Variants in TRAPPC9 observed in about 807,000 individuals in gnomAD.
The protein encoded by TRAPPC9 is IKK2 binding protein.
A neutral mutation model predicts 124.0 loss-of-function variants in TRAPPC9; 83 were observed. The ratio of observed to expected loss-of-function variants is 0.67; its 90% confidence interval spans 0.56 to 0.80. TRAPPC9 has a LOEUF of 0.80. Among genes scored for constraint, TRAPPC9 ranks in the 30% least tolerant of loss-of-function variants. The probability of loss-of-function intolerance (pLI) is 0.00; values close to 1 mark genes in which losing one functional copy is unlikely to be tolerated. For synonymous variants in TRAPPC9, 638 were observed against 617.5 expected, an observed-to-expected ratio of 1.03 and a Z score of -0.49; for missense variants, 1,302 against 1,508.3, an observed-to-expected ratio of 0.86 and a Z score of 2.27.
chr8:139,793,508 C>T (rs575392982), intron 21 of TRAPPC9, among the ~76,000 whole-genome samples: 1 of 152,304 alleles, frequency 6.6e-6, no homozygotes, highest in African/African-American at 2.4e-5. Context: ...CCCACTGTGC[C>T]TTGCGCTGAC....
Position 139,730,923 on chromosome 8 carries a change from G to GA in TRAPPC9, c.*137_*138insT. The GA allele has an allele frequency of 1.0e-6, 1 of 957,254 alleles. No homozygotes were observed. Among genetic ancestry groups the GA allele is most frequent in the South Asian group, 1.6e-5 (1 of 61,694 alleles). 59.3% of individuals were successfully genotyped at this position (957,254 alleles called of 1,614,324 possible). ...CAGCAAAGATGCTACAGGAGGAACA[G>GA]GAGGAGAGGGCTGGGAGGGGTCTGG... On this transcript the variant is annotated 3_prime_UTR_variant, in exon 23 of 23. Transcript: ENST00000438773.
intron 5 of TRAPPC9, among the ~76,000 whole-genome samples, chr8:140,422,830 T>A (rs1408242332): frequency 6.6e-6 from 1 of 150,396 alleles, no homozygotes; most frequent in African/African-American, 2.4e-5. Context: ...TTGGTAACTA[T>A]CTAAATAGAT....
intron 8 of TRAPPC9, among the ~76,000 whole-genome samples, chr8:140,364,333 A>T (rs2068045472): frequency 6.6e-6 from 1 of 151,860 alleles, no homozygotes; most frequent in African/African-American, 2.4e-5. Flanking sequence ...AGCAATTTAA[A>T]TCTTGCCTGA....
chr8:140,204,705 T>C (rs2062880267), intron 17 of TRAPPC9, among the ~76,000 whole-genome samples: 2 of 152,214 alleles, frequency 1.3e-5, no homozygotes, highest in Admixed American at 6.5e-5. Flanking sequence ...CCTTCTATCA[T>C]GATTGGAAGC....
At chr8:139,760,655 C>T (rs1426198064) in intron 21 of TRAPPC9, among the ~76,000 whole-genome samples, 1 of 152,226 alleles carries the variant, frequency 6.6e-6, no homozygotes, top group South Asian at 2.1e-4. Context: ...CTTCCACCAG[C>T]CCTCAGGTGA....
At chr8:139,777,578 C>T (rs1416792261) in intron 21 of TRAPPC9, among the ~76,000 whole-genome samples, 1 of 152,212 alleles carries the variant, frequency 6.6e-6, no homozygotes, top group Non-Finnish European at 1.5e-5. Flanking sequence ...GTGTATTCAT[C>T]CTGGCCATGA....
intron 17 of TRAPPC9, among the ~76,000 whole-genome samples, chr8:140,106,330 C>G (rs2060664304): frequency 6.6e-6 from 1 of 151,886 alleles, no homozygotes; most frequent in South Asian, 2.1e-4. Flanking sequence ...ACCTAGGTAA[C>G]TGATTTCGAC....
chr8:140,325,215 T>C (rs1367513452), intron 9 of TRAPPC9, among the ~76,000 whole-genome samples: 1 of 152,144 alleles, frequency 6.6e-6, no homozygotes, highest in Non-Finnish European at 1.5e-5. Context: ...TAGAGGGAAA[T>C]TTATAGCCTT....
intron 21 of TRAPPC9, among the ~76,000 whole-genome samples, chr8:139,813,402 C>T (rs898350894): frequency 5.3e-5 from 8 of 152,256 alleles, no homozygotes; most frequent in African/African-American, 1.9e-4. Flanking sequence ...ACGGCCAGCC[C>T]CCTTCTCCCA....
At chr8:140,274,992 T>C (rs1162994113) in intron 15 of TRAPPC9, among the ~76,000 whole-genome samples, 2 of 152,194 alleles carry the variant, frequency 1.3e-5, no homozygotes, top group Non-Finnish European at 2.9e-5. Flanking sequence ...ATTACCCGGT[T>C]TTATTTACAC....
At chr8:139,826,464 G>C (rs1488499472) in intron 21 of TRAPPC9, among the ~76,000 whole-genome samples, 1 of 150,252 alleles carries the variant, frequency 6.7e-6, no homozygotes, top group African/African-American at 2.4e-5. Flanking sequence ...TCCTTCCCCC[G>C]CAGGGTCGGT....
intron 10 of TRAPPC9, 82 bp downstream of exon 10, chr8:140,311,166 T>C: frequency 6.4e-7 from 1 of 1,559,694 alleles, no homozygotes; most frequent in African/African-American, 1.3e-5. Context: ...GGAACTCTTC[T>C]AAAGATCTCT....
At chr8:140,093,130 G>A (rs1844684177) in intron 17 of TRAPPC9, among the ~76,000 whole-genome samples, 1 of 151,942 alleles carries the variant, frequency 6.6e-6, no homozygotes, top group Non-Finnish European at 1.5e-5. Context: ...GCCATTGGAA[G>A]ACCTCCAAAA....
intron 17 of TRAPPC9, among the ~76,000 whole-genome samples, chr8:140,113,959 A>C (rs2060830950): frequency 6.6e-6 from 1 of 152,116 alleles, no homozygotes; most frequent in African/African-American, 2.4e-5. Flanking sequence ...CATCTGCGGA[A>C]CTTCTGGCTC....
intron 21 of TRAPPC9, among the ~76,000 whole-genome samples, chr8:139,819,024 G>C (rs1825063798): frequency 6.6e-6 from 1 of 152,212 alleles, no homozygotes. Context: ...AACCAGGCTG[G>C]AGAGCAGGAG....
At chr8:140,379,419 G>C (rs2068540142) in intron 7 of TRAPPC9, among the ~76,000 whole-genome samples, 1 of 152,178 alleles carries the variant, frequency 6.6e-6, no homozygotes, top group African/African-American at 2.4e-5. Flanking sequence ...TGTGTGTGTG[G>C]ATGGTTGTCA....
At chr8:140,449,642 G>A (rs1415454902) in intron 2 of TRAPPC9, among the ~76,000 whole-genome samples, 3 of 152,204 alleles carry the variant, frequency 2.0e-5, no homozygotes, top group African/African-American at 7.2e-5. Context: ...AGCTGTTTAG[G>A]AGCTCCCAGG....
intron 17 of TRAPPC9, among the ~76,000 whole-genome samples, chr8:140,145,455 C>T (rs1362154310): frequency 6.6e-6 from 1 of 152,038 alleles, no homozygotes; most frequent in Admixed American, 6.6e-5. Context: ...GCCAATAATG[C>T]TCTCTTGCAG....
chr8:140,159,487 A>C (rs2061709139), intron 17 of TRAPPC9, among the ~76,000 whole-genome samples: 1 of 152,146 alleles, frequency 6.6e-6, no homozygotes, highest in African/African-American at 2.4e-5. Context: ...CCACCTACCT[A>C]CCTCCAAATC....
Sources: allele counts gnomAD v4.1 joint callset (sites outside exome capture counted in the v4.1 genomes callset), GRCh38; gene constraint gnomAD v4.1.1; transcripts MANE v1.5; gene names NCBI Gene and HGNC (gene_info 2026-07-23, HGNC 2026-07-21).